The following PSMC1 variants were observed in gnomAD, a reference collection of about 807,000 sequenced individuals.
PSMC1 encodes the protein 26S proteasome regulatory subunit 4.
In PSMC1, 5 loss-of-function variants were observed where a neutral mutation model predicts 49.8. The ratio of observed to expected loss-of-function variants is 0.10; its 90% CI spans 0.05 to 0.21. The LOEUF (loss-of-function observed/expected upper bound fraction) is 0.21, where lower values mean the gene tolerates loss of function less well. PSMC1 is among the 10% of genes least tolerant of loss of function. PSMC1 has a pLI of 1.00. For missense variants in PSMC1, 181 were observed against 535.7 expected (o/e 0.34, Z 6.54); for synonymous variants, 155 against 192.1 (o/e 0.81, Z 1.60).
rs753630986 is a variant in PSMC1, at chr14:90,256,565, TC to T, written c.-31del. On this transcript the variant is annotated 5_prime_UTR_variant, in exon 1 of 11. Transcript: ENST00000261303. ...GGCGGGCCGCAGTGGTGGAGGAACT[TC>T]CGGCAGCGGCAGCTCAAGTGGCCAA... The T allele has an allele frequency of 4.4e-6, 7 of 1,581,802 alleles. No individual in the cohort carries two copies. Among genetic ancestry groups the T allele is most frequent in the Admixed American group, 1.8e-5 (1 of 55,058 alleles).
chr14:90,256,857 G>T (rs1263101954), intron 1 of PSMC1, among the ~76,000 whole-genome samples: 1 of 152,224 alleles, frequency 6.6e-6, no homozygotes, highest in Non-Finnish European at 1.5e-5. Flanking sequence ...GCGTGGTCTT[G>T]TGGGGCGGCA....
chr14:90,269,557 T>G lies in PSMC1; in HGVS notation c.1033+9T>G, dbSNP rs201257448. The G allele has an allele frequency of 5.0e-5, 81 of 1,612,470 alleles. No individual in the cohort carries two copies. The African/African-American group carries it at 5.5e-4, about 11-fold the overall frequency. The stretch of plus-strand genomic sequence containing the variant: ...AGCACTTATCAGACCAGGTTAAATT[T>G]GCTTTGGTTTCATCATGGAGATTAA... On this transcript the variant is annotated intron_variant, in intron 9 of 10. Transcript: ENST00000261303.
chr14:90,272,414 A>G lies in PSMC1; in HGVS notation c.*7A>G. 3.3e-6 allele frequency: 5 copies of G among 1,536,816 alleles called. No homozygotes were observed. Among genetic ancestry groups the G allele is most frequent in the African/African-American group, 1.4e-5 (1 of 71,464 alleles). On this transcript the variant is annotated 3_prime_UTR_variant, in exon 11 of 11. Transcript: ENST00000261303. The surrounding 1 kb of genome is among the most constrained non-coding windows in gnomAD (Gnocchi z 4.5). ...TGAGGGGCTGTATCTCTAATGAACC[A>G]TGGCTGTCATCAGGAAAATGGTTGG...
At chr14:90,270,413 T>C (rs1891630917) in intron 10 of PSMC1, 61 bp downstream of exon 10, 6 of 1,544,290 alleles carry the variant, frequency 3.9e-6, no homozygotes, top group Non-Finnish European at 5.2e-6. Context: ...GGAAAGAGTC[T>C]ATATGTGCTC....
At position 90,274,827 on chromosome 14, in the gene PSMC1, CACACACACACA is replaced by C. The variant is rs1257144993; in HGVS notation, c.*2421_*2431del. ...ACACACACACACACACACACACACA[CACACACACACA>C]CCCCAATACATATGAATTGATCTGA... On this transcript the variant is annotated 3_prime_UTR_variant, in exon 11 of 11. Coordinates refer to ENST00000261303, the MANE Select transcript of PSMC1 (RefSeq NM_002802.3). 193 of 96,608 alleles carry C rather than the reference CACACACACACA, an allele frequency of 2.0e-3. 1 individual carries two copies. Among genetic ancestry groups the C allele is most frequent in the Middle Eastern group, 5.6e-3 (1 of 180 alleles). The allele number at this position is 96,608 out of a possible 1,614,324, so 6.0% of individuals were successfully genotyped here. A position where few individuals can be genotyped will look rare whatever the true frequency, so the allele number is the denominator to read the frequency against.
At chr14:90,263,503 CAAAT>C (rs1291593715) in intron 4 of PSMC1, 61 bp downstream of exon 4, 1 of 1,496,868 alleles carries the variant, frequency 6.7e-7, no homozygotes. Flanking sequence ...AAATTGTCAA[CAAAT>C]AAATGAAATT....
intron 8 of PSMC1, chr14:90,269,159 C>T: frequency 2.1e-6 from 1 of 480,620 alleles, no homozygotes; most frequent in Non-Finnish European, 3.7e-6. Context: ...TCCAAAAGGC[C>T]TCATCTCTTA....
chr14:90,262,593 G>C (rs890515071), intron 3 of PSMC1, among the ~76,000 whole-genome samples: 2 of 152,044 alleles, frequency 1.3e-5, no homozygotes, highest in Non-Finnish European at 2.9e-5. Flanking sequence ...GACCATCCTG[G>C]CTAACACGTT....
chr14:90,264,576 AC>A (rs1244654856), intron 6 of PSMC1, among the ~76,000 whole-genome samples: 1 of 152,164 alleles, frequency 6.6e-6, no homozygotes, highest in African/African-American at 2.4e-5. Flanking sequence ...TGGGGGCTGG[AC>A]CATATGCAGG....
intron 1 of PSMC1, among the ~76,000 whole-genome samples, chr14:90,256,822 G>A (rs539424447): frequency 6.6e-6 from 1 of 152,336 alleles, no homozygotes; most frequent in Admixed American, 6.5e-5. Context: ...TGGGGCCGGG[G>A]CTCAGAGCAG....
rs1178295514 is a variant in PSMC1 at position 90,274,098 on chromosome 14, G to A, written c.*1691G>A. 1.3e-5 allele frequency: 2 copies of A among 154,646 alleles called. No homozygotes were observed. Among genetic ancestry groups the A allele is most frequent in the East Asian group, 1.9e-4 (1 of 5,212 alleles). The allele number at this position is 154,646 out of a possible 1,614,324, so 9.6% of individuals were successfully genotyped here. On this transcript the variant is annotated 3_prime_UTR_variant, in exon 11 of 11. Transcript: ENST00000261303. ...TGCCTACCACAGAGGACATCCACAC[G>A]TGGGGGTGGCCCAGTGCAGGGTAAG...
Position 90,272,658 on chromosome 14 carries a change from C to T in PSMC1, c.*251C>T. ...TTTCTGCAGTCTCCACACACACCTACCGCTCAACAGCAGCCTGTGGGTGGA... is the reference window on the plus strand; with the variant it reads ...TTTCTGCAGTCTCCACACACACCTATCGCTCAACAGCAGCCTGTGGGTGGA... On this transcript the variant is annotated 3_prime_UTR_variant, in exon 11 of 11. Transcript: ENST00000261303. The surrounding 1 kb of genome is among the most constrained non-coding windows in gnomAD (Gnocchi z 4.5). 3.0e-6 allele frequency: 1 copy of T among 335,324 alleles called. No homozygotes were observed. Among genetic ancestry groups the T allele is most frequent in the Non-Finnish European group, 5.7e-6 (1 of 173,942 alleles). 20.8% of individuals were successfully genotyped at this position (335,324 alleles called of 1,614,324 possible). A position where few individuals can be genotyped will look rare whatever the true frequency, so the allele number is the denominator to read the frequency against.
At chr14:90,264,903 C>T (rs559685164) in intron 6 of PSMC1, among the ~76,000 whole-genome samples, 167 bp from the exon 7 acceptor site, 4 of 152,218 alleles carry the variant, frequency 2.6e-5, no homozygotes, top group African/African-American at 9.6e-5. Context: ...GGACAGGTGT[C>T]ATCTTCAGTA....
At chr14:90,259,715 G>C (rs146207750) in intron 2 of PSMC1, among the ~76,000 whole-genome samples, 5,638 of 152,150 alleles carry the variant, frequency 0.037, 157 homozygotes, top group South Asian at 0.077. Flanking sequence ...TCCGCCTCCT[G>C]GGTTCAAGCA....
At chr14:90,264,389 T>G (rs1217346710) in intron 6 of PSMC1, among the ~76,000 whole-genome samples, 1 of 152,246 alleles carries the variant, frequency 6.6e-6, no homozygotes, top group Non-Finnish European at 1.5e-5. Context: ...TGCAGCTTCC[T>G]TCTTTTTAGT....
At chr14:90,257,766 T>C (rs1056469125) in intron 1 of PSMC1, among the ~76,000 whole-genome samples, 34 of 152,176 alleles carry the variant, frequency 2.2e-4, no homozygotes, top group African/African-American at 7.2e-4. Context: ...CTAATTTTTG[T>C]ATTTTTGTAG....
chr14:90,256,940 G>A (rs761044852), intron 1 of PSMC1, among the ~76,000 whole-genome samples: 1 of 152,180 alleles, frequency 6.6e-6, no homozygotes, highest in Non-Finnish European at 1.5e-5. Flanking sequence ...AGTTTCGGGG[G>A]CGCCTCCTCG....
At chr14:90,260,336 T>C in intron 3 of PSMC1, 125 bp downstream of exon 3, 1 of 670,270 alleles carries the variant, frequency 1.5e-6, no homozygotes, top group Non-Finnish European at 2.6e-6. Flanking sequence ...AGCTTTGTGA[T>C]TCATTTCTAC....
intron 3 of PSMC1, among the ~76,000 whole-genome samples, chr14:90,262,782 G>A (rs1261296462): frequency 2.0e-5 from 3 of 148,924 alleles, no homozygotes; most frequent in Non-Finnish European, 4.4e-5. Flanking sequence ...ACAAGACTCC[G>A]TCTCAAAAAA....
Sources: gnomAD v4.1 joint callset for allele counts (sites outside exome capture counted in the v4.1 genomes callset) on GRCh38, gnomAD v4.1.1 for gene constraint, Gnocchi (gnomAD v3.1) non-coding constraint, MANE v1.5 for transcripts, NCBI Gene and HGNC (gene_info 2026-07-23, HGNC 2026-07-21) for gene names.